Variants in CPNE8 observed in about 807,000 individuals in gnomAD.
CPNE8 encodes copine 8.
CPNE8 carries 45 observed loss-of-function variants against 81.5 expected under a neutral mutation model. That is an observed-to-expected ratio of 0.55 (90% confidence interval 0.44 to 0.71). The LOEUF is 0.71. Among genes scored for constraint, CPNE8 ranks in the 30% least tolerant of loss-of-function variants. CPNE8 has a pLI of 0.00. For synonymous variants in CPNE8, 252 were observed against 226.3 expected, an observed-to-expected ratio of 1.11 and a Z score of -1.02; for missense variants, 594 against 672.1, an observed-to-expected ratio of 0.88 and a Z score of 1.28.
chr12:38,761,365 T>TA (rs910787569), intron 9 of CPNE8, among the ~76,000 whole-genome samples: 6 of 152,214 alleles, frequency 3.9e-5, no homozygotes, highest in African/African-American at 1.4e-4. Flanking sequence ...CTGATGCTGC[T>TA]AATCAGGAAG....
At chr12:38,797,163 A>G (rs1476671247) in intron 6 of CPNE8, among the ~76,000 whole-genome samples, 2 of 152,148 alleles carry the variant, frequency 1.3e-5, no homozygotes, top group East Asian at 1.9e-4. Context: ...GCAGACGTAA[A>G]TGTCCCTGTC....
chr12:38,711,721 G>A lies in CPNE8; in HGVS notation c.915-8800C>T, dbSNP rs369040259. 1.1e-4 allele frequency among the ~76,000 whole-genome samples: 17 copies of A among 151,996 alleles called. No homozygotes were observed. In the South Asian group the frequency reaches 1.7e-3, roughly 15 times the overall value. On this transcript the variant is annotated intron_variant, in intron 13 of 19. Transcript: ENST00000331366. The stretch of plus-strand genomic sequence containing the variant: ...TGACCTCAGGTGATCCACCCGCCTC[G>A]GCCTCCCAAAGTGCTGGGATTACAG...
Position 38,823,370 on chromosome 12 carries a change from GC to G in CPNE8, c.407+6008del, listed in dbSNP as rs560581395. Among the ~76,000 whole-genome samples the G allele has an allele frequency of 5.2e-3, 788 of 152,180 alleles. 2 individuals are homozygous for G. The highest frequency in any genetic ancestry group is 0.014 in the Middle Eastern group (4 of 294). On this transcript the variant is annotated intron_variant, in intron 6 of 19. Transcript: ENST00000331366. ...CAAGCTGGTTTTTCAATTATCACTT[GC>G]CTCTGAGTCCCTGTCCCTGTCCTCT...
chr12:38,799,766 G>A (rs967779412), intron 6 of CPNE8, among the ~76,000 whole-genome samples: 2 of 144,062 alleles, frequency 1.4e-5, no homozygotes, highest in East Asian at 4.0e-4. Context: ...TCACTAGGGA[G>A]TGCCAGACAG....
At chr12:38,851,262 T>C (rs190624552) in intron 3 of CPNE8, among the ~76,000 whole-genome samples, 56 of 152,358 alleles carry the variant, frequency 3.7e-4, no homozygotes, top group African/African-American at 1.3e-3. Context: ...GCTCTGAGAC[T>C]CACTTCTGGG....
rs1479240983 is a variant in CPNE8, at chr12:38,693,643, T to C, written c.1143+14A>G. On this transcript the variant is annotated intron_variant, in intron 15 of 19. Coordinates refer to ENST00000331366, the MANE Select transcript of CPNE8 (RefSeq NM_153634.3). ...AATTTTTCAAAACATCAAATCCTTT[T>C]GACAAATTCTTACCAAAGCAAATTC... is the stretch of plus-strand genomic sequence containing the variant. 4.4e-6 allele frequency: 7 copies of C among 1,598,760 alleles called. No individual in the cohort carries two copies. The highest frequency in any genetic ancestry group is 1.1e-5 in the South Asian group (1 of 88,170).
At chr12:38,799,255 A>G (rs1310428237) in intron 6 of CPNE8, among the ~76,000 whole-genome samples, 2 of 152,244 alleles carry the variant, frequency 1.3e-5, no homozygotes, top group East Asian at 1.9e-4. Context: ...CATTTTTTTC[A>G]GCACACCACA....
chr12:38,785,747 T>C (rs1156979051), intron 6 of CPNE8, among the ~76,000 whole-genome samples: 1 of 152,076 alleles, frequency 6.6e-6, no homozygotes, highest in African/African-American at 2.4e-5. Flanking sequence ...CAACAAAAAG[T>C]TAAAAAGCAG....
intron 6 of CPNE8, among the ~76,000 whole-genome samples, chr12:38,785,376 A>G (rs1942159693): frequency 6.6e-6 from 1 of 152,012 alleles, no homozygotes; most frequent in Non-Finnish European, 1.5e-5. Flanking sequence ...AAAACATGAT[A>G]TGGTTTGGCT....
chr12:38,846,515 T>C (rs1592134771), intron 4 of CPNE8, among the ~76,000 whole-genome samples: 1 of 152,132 alleles, frequency 6.6e-6, no homozygotes, highest in Admixed American at 6.6e-5. Context: ...TCATGGCAGG[T>C]CATGACTGTT....
intron 6 of CPNE8, among the ~76,000 whole-genome samples, chr12:38,798,206 A>G (rs1157537434): frequency 6.6e-6 from 1 of 152,124 alleles, no homozygotes; most frequent in African/African-American, 2.4e-5. Flanking sequence ...GAACGCCACA[A>G]AGATACTCCT....
chr12:38,682,175 G>A (rs925990043), intron 16 of CPNE8, among the ~76,000 whole-genome samples: 14 of 151,810 alleles, frequency 9.2e-5, no homozygotes, highest in South Asian at 2.1e-4. Context: ...AGCTGACATC[G>A]CATCACTACA....
At chr12:38,844,694 CTT>C (rs1392719885) in intron 4 of CPNE8, among the ~76,000 whole-genome samples, 2 of 151,988 alleles carry the variant, frequency 1.3e-5, no homozygotes, top group African/African-American at 2.4e-5. Context: ...GTCTCTATCT[CTT>C]TCTCTCTCTT....
intron 6 of CPNE8, among the ~76,000 whole-genome samples, chr12:38,827,067 G>C (rs955317748): frequency 6.7e-6 from 1 of 148,486 alleles, no homozygotes; most frequent in East Asian, 2.0e-4. Context: ...TGTAATCCCA[G>C]CTACTCGGGA....
intron 10 of CPNE8, among the ~76,000 whole-genome samples, chr12:38,740,572 A>G (rs1941074993): frequency 6.6e-6 from 1 of 152,170 alleles, no homozygotes; most frequent in South Asian, 2.1e-4. Flanking sequence ...CGTCCCATCA[A>G]TACCTAATTG....
intron 6 of CPNE8, among the ~76,000 whole-genome samples, chr12:38,811,851 G>A (rs1180047618): frequency 5.3e-5 from 8 of 152,204 alleles, no homozygotes; most frequent in South Asian, 2.1e-4. Context: ...CCACCTGGGT[G>A]ACAGAGCAAG....
intron 1 of CPNE8, among the ~76,000 whole-genome samples, chr12:38,898,310 GA>G (rs963689868): frequency 2.7e-5 from 4 of 150,758 alleles, no homozygotes; most frequent in South Asian, 2.1e-4. Flanking sequence ...GTATTTCTCT[GA>G]AAAAAAAATA....
At chr12:38,687,471 T>A (rs1333015793) in intron 15 of CPNE8, among the ~76,000 whole-genome samples, 1 of 148,300 alleles carries the variant, frequency 6.7e-6, no homozygotes, top group Non-Finnish European at 1.5e-5. Flanking sequence ...AACCTCTGCC[T>A]TCTGGATTCA....
intron 7 of CPNE8, among the ~76,000 whole-genome samples, chr12:38,771,206 C>T (rs1407906418): frequency 2.0e-5 from 3 of 151,918 alleles, no homozygotes; most frequent in South Asian, 4.2e-4. Context: ...TGACTGTAAC[C>T]CCAGCGCTTT....
Sources: gnomAD v4.1 joint callset for allele counts (sites outside exome capture counted in the v4.1 genomes callset) on GRCh38, gnomAD v4.1.1 for gene constraint, MANE v1.5 for transcripts, NCBI Gene and HGNC (gene_info 2026-07-23, HGNC 2026-07-21) for gene names.